Variants in INO80C observed in about 807,000 individuals in gnomAD.
INO80C encodes IES6 homolog.
INO80C carries 17 observed loss-of-function variants against 17.7 expected under a neutral mutation model. The ratio of observed to expected loss-of-function variants is 0.96; its 90% CI spans 0.66 to 1.44. The LOEUF is 1.44. INO80C is among the 40% of genes most tolerant of loss of function. The pLI is 0.00. For missense variants in INO80C, 244 were observed against 245.0 expected (o/e 1.00, Z 0.03); for synonymous variants, 96 against 95.8 (o/e 1.00, Z -0.01).
chr18:35,481,068 G>T (rs1489089817), intron 1 of INO80C, among the ~76,000 whole-genome samples: 1 of 152,094 alleles, frequency 6.6e-6, no homozygotes, highest in East Asian at 1.9e-4. Flanking sequence ...AGACAACAAA[G>T]GTCCAGCCCC....
intron 1 of INO80C, among the ~76,000 whole-genome samples, chr18:35,492,373 A>T (rs550705317): frequency 7.9e-5 from 12 of 152,340 alleles, no homozygotes; most frequent in South Asian, 2.1e-4. Context: ...CTAATTGAGA[A>T]GACTATCAAC....
chr18:35,480,104 T>A (rs1317337056), intron 2 of INO80C, among the ~76,000 whole-genome samples: 1 of 152,170 alleles, frequency 6.6e-6, no homozygotes, highest in Admixed American at 6.5e-5. Context: ...ATTTACCTTA[T>A]GAAACTAATG....
At chr18:35,481,333 G>T (rs2045806665) in intron 1 of INO80C, among the ~76,000 whole-genome samples, 1 of 152,174 alleles carries the variant, frequency 6.6e-6, no homozygotes, top group African/African-American at 2.4e-5. Flanking sequence ...TTCCCATCTT[G>T]CCAGGCTTCA....
chr18:35,480,782 C>A (rs2045797663), intron 1 of INO80C, among the ~76,000 whole-genome samples: 1 of 152,230 alleles, frequency 6.6e-6, no homozygotes, highest in African/African-American at 2.4e-5. Flanking sequence ...GGACCTCCAA[C>A]TGCTATGTTT....
intron 1 of INO80C, among the ~76,000 whole-genome samples, chr18:35,491,404 G>A (rs749677110): frequency 3.3e-5 from 5 of 152,256 alleles, no homozygotes; most frequent in Non-Finnish European, 4.4e-5. Flanking sequence ...CCCTCCTGCC[G>A]GCTTGCTCAC....
At chr18:35,477,572 GAAAACAAAACAAAAC>G (rs369174665) in intron 4 of INO80C, among the ~76,000 whole-genome samples, 10 of 152,110 alleles carry the variant, frequency 6.6e-5, no homozygotes, top group South Asian at 6.2e-4. Context: ...ATTTGTTTAA[GAAAACAAAACAAAAC>G]AAAACAAAAC....
At chr18:35,488,160 C>A (rs1308692960) in intron 1 of INO80C, among the ~76,000 whole-genome samples, 1 of 152,208 alleles carries the variant, frequency 6.6e-6, no homozygotes, top group Admixed American at 6.5e-5. Context: ...ACAGTGCAAG[C>A]TGTTGGTGGA....
At chr18:35,474,245 A>ATATATAT (rs2045707861) in intron 4 of INO80C, among the ~76,000 whole-genome samples, 4 of 129,532 alleles carry the variant, frequency 3.1e-5, no homozygotes, top group African/African-American at 5.8e-5. Context: ...ATATATATAT[A>ATATATAT]CTTAATAACT....
At chr18:35,475,909 C>A (rs1288063981) in intron 4 of INO80C, among the ~76,000 whole-genome samples, 1 of 151,928 alleles carries the variant, frequency 6.6e-6, no homozygotes, top group East Asian at 1.9e-4. Flanking sequence ...TAAAAGGTAA[C>A]TGTCTAAAGC....
At chr18:35,485,893 G>A (rs1389201539) in intron 1 of INO80C, among the ~76,000 whole-genome samples, 1 of 152,222 alleles carries the variant, frequency 6.6e-6, no homozygotes, top group Non-Finnish European at 1.5e-5. Flanking sequence ...GGGAGGCTGA[G>A]GCAGGAGGAC....
intron 4 of INO80C, among the ~76,000 whole-genome samples, chr18:35,472,281 G>T (rs950648506): frequency 9.2e-5 from 14 of 152,052 alleles, no homozygotes; most frequent in Admixed American, 2.0e-4. Context: ...CCTGACTTTT[G>T]AATGATCGCC....
At chr18:35,473,584 G>A (rs939051564) in intron 4 of INO80C, among the ~76,000 whole-genome samples, 10 of 152,172 alleles carry the variant, frequency 6.6e-5, no homozygotes, top group East Asian at 1.9e-4. Flanking sequence ...GACTATATAC[G>A]TCTTACTGGA....
In INO80C at chr18:35,468,464, C is replaced by A; in HGVS notation, c.*147G>T. ...AACACACACTAAAAAAAAAAAAAAC[C>A]CTTAAATTAAAGCCAAACATTCTTT... On this transcript the variant is annotated 3_prime_UTR_variant, in exon 5 of 5. Coordinates refer to ENST00000334598, the MANE Select transcript of INO80C (RefSeq NM_194281.4). 1 of 1,467,728 alleles carries A rather than the reference C, an allele frequency of 6.8e-7. No homozygotes were observed. The highest frequency in any genetic ancestry group is 9.0e-7 in the Non-Finnish European group (1 of 1,112,678). The allele number at this position is 1,467,728 out of a possible 1,614,324, so 90.9% of individuals were successfully genotyped here. A position where few individuals can be genotyped will look rare whatever the true frequency, so the allele number is the denominator to read the frequency against.
intron 1 of INO80C, among the ~76,000 whole-genome samples, chr18:35,482,343 A>G (rs1389322237): frequency 6.6e-6 from 1 of 152,238 alleles, no homozygotes; most frequent in Non-Finnish European, 1.5e-5. Context: ...AGCTCAACTT[A>G]CTTAGTAAGT....
At position 35,497,948 on chromosome 18, in the gene INO80C, C is replaced by T. The variant is rs112435799; in HGVS notation, c.-74G>A. 34,097 of 1,424,670 alleles carry T rather than the reference C, an allele frequency of 0.024. 451 individuals are homozygous for T. Among genetic ancestry groups the T allele is most frequent in the Non-Finnish European group, 0.028 (29,982 of 1,077,442 alleles). The allele number at this position is 1,424,670 out of a possible 1,614,324, so 88.3% of individuals were successfully genotyped here. ...CCTTGGAACTTCCTTTCCGCTGTTA[C>T]TTCCGTCTTGATGCTTGAAAACCCG... On this transcript the variant is annotated 5_prime_UTR_variant, in exon 1 of 5. Coordinates refer to ENST00000334598, the MANE Select transcript of INO80C (RefSeq NM_194281.4).
At chr18:35,495,093 G>A (rs995076387) in intron 1 of INO80C, among the ~76,000 whole-genome samples, 1 of 152,160 alleles carries the variant, frequency 6.6e-6, no homozygotes, top group African/African-American at 2.4e-5. Context: ...TTTCCTATAC[G>A]CTGTGAAAAG....
chr18:35,482,532 C>G lies in INO80C; in HGVS notation c.157-1969G>C, dbSNP rs573376538. 2.4e-3 allele frequency among the ~76,000 whole-genome samples: 359 copies of G among 152,250 alleles called. 1 individual carries two copies. Among genetic ancestry groups the G allele is most frequent in the Non-Finnish European group, 4.3e-3 (290 of 68,020 alleles). On this transcript the variant is annotated intron_variant, in intron 1 of 4. Coordinates refer to ENST00000334598, the MANE Select transcript of INO80C (RefSeq NM_194281.4). The stretch of plus-strand genomic sequence containing the variant: ...CCTCTCCAGGTCTCTCCACCTGAGC[C>G]GGGGTTCCAGCCAAGGCCCTGTGCT...
chr18:35,488,637 G>A (rs949043275), intron 1 of INO80C, among the ~76,000 whole-genome samples: 3 of 152,170 alleles, frequency 2.0e-5, no homozygotes, highest in African/African-American at 7.2e-5. Flanking sequence ...TGCCACAAAG[G>A]TCTCTGACAT....
intron 1 of INO80C, among the ~76,000 whole-genome samples, chr18:35,485,384 A>G (rs910765997): frequency 2.0e-5 from 3 of 152,198 alleles, no homozygotes; most frequent in South Asian, 2.1e-4. Context: ...AGACAATTCA[A>G]TTTTTAAAAG....
Sources: allele counts gnomAD v4.1 joint callset (sites outside exome capture counted in the v4.1 genomes callset), GRCh38; gene constraint gnomAD v4.1.1; transcripts MANE v1.5; gene names NCBI Gene and HGNC (gene_info 2026-07-23, HGNC 2026-07-21).